ITGA3: variants seen among roughly 807,000 people sequenced by gnomAD.
ITGA3 encodes the protein integrin alpha-3.
In ITGA3, 70 loss-of-function variants were observed where a neutral mutation model predicts 131.1. That is an observed-to-expected ratio of 0.53 (90% CI 0.44 to 0.65). The LOEUF (loss-of-function observed/expected upper bound fraction) is 0.65, where lower values mean the gene tolerates loss of function less well. ITGA3 is among the 30% of genes least tolerant of loss of function. The pLI is 0.00. For missense variants in ITGA3, 1,098 were observed against 1,388.6 expected (o/e 0.79, Z 3.33); for synonymous variants, 537 against 571.6 (o/e 0.94, Z 0.86).
intron 7 of ITGA3, among the ~76,000 whole-genome samples, chr17:50,073,155 G>A (rs941050827): frequency 6.6e-6 from 1 of 152,144 alleles, no homozygotes; most frequent in Non-Finnish European, 1.5e-5. Context: ...GGCCTTATCT[G>A]ATCCAAAGCT....
In ITGA3 at chr17:50,075,722, A is replaced by G; in HGVS notation, c.1661A>G (p.Glu554Gly). The G allele has an allele frequency of 1.2e-6, 2 of 1,614,026 alleles. No homozygotes were observed. Among genetic ancestry groups the G allele is most frequent in the Non-Finnish European group, 1.7e-6 (2 of 1,179,938 alleles). Reference protein sequence around the residue: ...SMPEMRCQKLELLLMDNLRDK... With the variant: ...SMPEMRCQKLGLLLMDNLRDK... ...CCCGAGATGCGCTGCCAGAAGCTGG[A>G]GCTGCTCCTGATGGTGAGGGAGGAG... is the stretch of plus-strand genomic sequence containing the variant. The change falls in exon 12 of 26, where the codon GAG (glutamate) becomes GGG (glycine). Residue 554 changes from glutamate (E) to glycine (G), a missense_variant. This residue lies in a region of ITGA3 where 699 missense variants were observed against 829.2 expected (regional missense o/e 0.84). Transcript: ENST00000320031.
intron 23 of ITGA3, chr17:50,087,002 A>C (rs1909479070): frequency 6.6e-6 from 1 of 152,210 alleles, no homozygotes; most frequent in Admixed American, 6.5e-5. Flanking sequence ...TGGTGAGCCA[A>C]GATTCCACCA....
chr17:50,080,505 T>TGTGAGA (rs577531446), intron 22 of ITGA3, 130 bp downstream of exon 22: 1 of 526,648 alleles, frequency 1.9e-6, no homozygotes, highest in Non-Finnish European at 3.4e-6. Context: ...TGTGTGTGTG[T>TGTGAGA]GATTTGCGTG....
At chr17:50,083,390 A>G (rs1909262286) in intron 23 of ITGA3, among the ~76,000 whole-genome samples, 1 of 152,170 alleles carries the variant, frequency 6.6e-6, no homozygotes, top group South Asian at 2.1e-4. Context: ...ATTAGACTCT[A>G]TGAAAATTTA....
At position 50,081,360 on chromosome 17, in the gene ITGA3, C is replaced by T. The variant is rs1310602857; in HGVS notation, c.2871C>T (p.Phe957=). The change falls in exon 23 of 26, where the codon TTC becomes TTT. Residue 957 remains phenylalanine, a synonymous_variant. Transcript: ENST00000320031. Reference sequence around the variant, plus strand: ...GGGTAAATGGCTGGGCTACCCTATTCCTCCGAACCAGCATCCCCACCATCA... The same window carrying T: ...GGGTAAATGGCTGGGCTACCCTATTTCTCCGAACCAGCATCCCCACCATCA... ...RVRVNGWATL[F]LRTSIPTINM... The T allele has an allele frequency of 1.3e-6, 2 of 1,592,232 alleles. 1 individual carries two copies. The highest frequency in any genetic ancestry group is 2.3e-5 in the South Asian group (2 of 87,758).
intron 23 of ITGA3, chr17:50,086,944 C>T (rs1302901285): frequency 6.7e-6 from 1 of 149,682 alleles, no homozygotes; most frequent in Non-Finnish European, 1.5e-5. Context: ...CCCAGCTACT[C>T]GGGAGGCTGA....
At chr17:50,083,835 C>G (rs981664584) in intron 23 of ITGA3, among the ~76,000 whole-genome samples, 6 of 151,518 alleles carry the variant, frequency 4.0e-5, no homozygotes, top group African/African-American at 1.5e-4. Flanking sequence ...TAAAGGATAT[C>G]AATTGGCAGC....
chr17:50,074,174 G>C lies in ITGA3; in HGVS notation c.1276G>C (p.Gly426Arg). The change falls in exon 9 of 26, where the codon GGG becomes CGG. Residue 426 changes from glycine (G) to arginine (R), a missense_variant. Around this residue, in one of 3 missense-constraint regions of ITGA3, gnomAD observed 699 missense variants for 829.2 expected, o/e 0.84. Transcript: ENST00000320031. ...VIHGEKLGLP[G>R]LATFGYSLSG... is the part of the protein sequence containing the mutation. ...CCATGGAGAGAAGCTGGGACTGCCT[G>C]GGTTGGCCACCTTCGGCTATTCCCT... The C allele has an allele frequency of 1.2e-6, 2 of 1,614,174 alleles. No homozygotes were observed. Among genetic ancestry groups the C allele is most frequent in the Non-Finnish European group, 1.7e-6 (2 of 1,180,018 alleles).
At chr17:50,079,659 G>A (rs1165881119) in intron 21 of ITGA3, 102 bp downstream of exon 21, 7 of 1,288,118 alleles carry the variant, frequency 5.4e-6, no homozygotes, top group Middle Eastern at 2.5e-4. Context: ...GTGTGATGAG[G>A]TGATGAGGCC....
intron 10 of ITGA3, among the ~76,000 whole-genome samples, chr17:50,075,065 C>G (rs2144290792): frequency 6.6e-6 from 1 of 152,282 alleles, no homozygotes; most frequent in East Asian, 1.9e-4. Flanking sequence ...ACCCCAAGGT[C>G]TTTAAGTGAA....
intron 25 of ITGA3, among the ~76,000 whole-genome samples, chr17:50,088,672 C>T (rs1412385284): frequency 6.6e-6 from 1 of 152,190 alleles, no homozygotes; most frequent in East Asian, 1.9e-4. Flanking sequence ...CTCTGTAAAC[C>T]ACAGCCATGT....
chr17:50,069,533 G>C (rs1202578338), intron 4 of ITGA3, among the ~76,000 whole-genome samples: 1 of 152,066 alleles, frequency 6.6e-6, no homozygotes, highest in Admixed American at 6.6e-5. Context: ...AGGTGTGGTG[G>C]CACACACCTA....
chr17:50,069,818 G>T (rs1004044699), intron 4 of ITGA3, among the ~76,000 whole-genome samples: 1 of 152,158 alleles, frequency 6.6e-6, no homozygotes, highest in Non-Finnish European at 1.5e-5. Context: ...ACTACACATG[G>T]TCTCACAGGG....
At chr17:50,085,591 G>C (rs1909351313) in intron 23 of ITGA3, among the ~76,000 whole-genome samples, 1 of 151,712 alleles carries the variant, frequency 6.6e-6, no homozygotes, top group Admixed American at 6.6e-5. Flanking sequence ...TTGAGCCCAG[G>C]AGGCAGAGGT....
intron 23 of ITGA3, chr17:50,087,321 A>C: frequency 6.3e-6 from 1 of 158,246 alleles, no homozygotes; most frequent in African/African-American, 2.4e-5. Flanking sequence ...GAACCCAGGT[A>C]ATGTGGCTCC....
chr17:50,077,772 G>T (rs1234030211), intron 16 of ITGA3, among the ~76,000 whole-genome samples: 1 of 152,184 alleles, frequency 6.6e-6, no homozygotes, highest in Non-Finnish European at 1.5e-5. Flanking sequence ...GGAGGTAGAT[G>T]CTCTTTTACA....
chr17:50,074,128 T>A lies in ITGA3; in HGVS notation c.1246-16T>A. On this transcript the variant is annotated splice_polypyrimidine_tract_variant and intron_variant, in intron 8 of 25. Coordinates refer to ENST00000320031, the MANE Select transcript of ITGA3 (RefSeq NM_002204.4). ...GCTCCCCAGAGCCTGCCCCCACCAC[T>A]TTCCCCTGCCCCCAGGTAATCCATG... 1 of 1,610,862 alleles carries A rather than the reference T, an allele frequency of 6.2e-7. No homozygotes were observed. The highest frequency in any genetic ancestry group is 8.5e-7 in the Non-Finnish European group (1 of 1,177,456).
In ITGA3 at chr17:50,089,506, T is replaced by G. The variant is rs1909618653; in HGVS notation, c.*428T>G. The G allele has an allele frequency of 1.8e-6, 1 of 542,972 alleles. No individual in the cohort carries two copies. Among genetic ancestry groups the G allele is most frequent in the Non-Finnish European group, 3.3e-6 (1 of 300,124 alleles). 33.6% of individuals were successfully genotyped at this position (542,972 alleles called of 1,614,324 possible). ...TGCATTCCTGTGCCCTAGATGCACG[T>G]GGGGCCCACTGCTCGTGGACTGTGC... On this transcript the variant is annotated 3_prime_UTR_variant, in exon 26 of 26. Coordinates refer to ENST00000320031, the MANE Select transcript of ITGA3 (RefSeq NM_002204.4).
chr17:50,060,919 G>T (rs142318200), intron 1 of ITGA3, among the ~76,000 whole-genome samples: 4 of 152,174 alleles, frequency 2.6e-5, no homozygotes, highest in Non-Finnish European at 5.9e-5. Context: ...TTTGCATACA[G>T]TAAGGTCCCT....
Sources: gnomAD v4.1 joint callset for allele counts (sites outside exome capture counted in the v4.1 genomes callset) on GRCh38, gnomAD v4.1.1 for gene constraint, gnomAD v4.1.1 regional missense constraint, MANE v1.5 for transcripts, NCBI Gene and HGNC (gene_info 2026-07-23, HGNC 2026-07-21) for gene names.